The following FGD5 variants were observed in gnomAD, a reference collection of about 807,000 sequenced individuals.
FGD5 encodes FYVE, RhoGEF and PH domain containing 5.
Under a neutral mutation model 133.4 loss-of-function variants are expected in FGD5, and 28 were observed. The observed-to-expected ratio is 0.21, with a 90% confidence interval of 0.16 to 0.29. The LOEUF (loss-of-function observed/expected upper bound fraction) is 0.29, where lower values mean the gene tolerates loss of function less well. Among genes scored for constraint, FGD5 ranks in the 10% least tolerant of loss-of-function variants. The pLI is 1.00. For synonymous variants in FGD5, 810 were observed against 776.5 expected, an observed-to-expected ratio of 1.04 and a Z score of -0.72; for missense variants, 1,858 against 1,895.2, an observed-to-expected ratio of 0.98 and a Z score of 0.36.
upstream of FGD5, among the ~76,000 whole-genome samples, chr3:14,816,463 G>T (rs56403001): frequency 0.32 from 48,439 of 152,022 alleles, 8,360 homozygotes; most frequent in African/African-American, 0.44. Flanking sequence ...GCCTGCTATT[G>T]AGCCCTTTTG....
intron 4 of FGD5, among the ~76,000 whole-genome samples, chr3:14,885,367 C>T (rs1016102037): frequency 2.6e-5 from 4 of 151,992 alleles, no homozygotes; most frequent in South Asian, 2.1e-4. Context: ...CTCTAGATGT[C>T]GCGGTAGATA....
chr3:14,844,776 T>C (rs1490065363), intron 1 of FGD5, among the ~76,000 whole-genome samples: 2 of 152,150 alleles, frequency 1.3e-5, no homozygotes, highest in African/African-American at 2.4e-5. Context: ...AATTGGACAA[T>C]GTCTAGAAGG....
At chr3:14,850,787 G>T (rs183354068) in intron 1 of FGD5, among the ~76,000 whole-genome samples, 46 of 152,134 alleles carry the variant, frequency 3.0e-4, no homozygotes, top group African/African-American at 8.7e-4. Context: ...ACCTTGGTTG[G>T]GGGGGCAGTG....
intron 1 of FGD5, among the ~76,000 whole-genome samples, chr3:14,830,789 T>G (rs2036692230): frequency 1.3e-5 from 2 of 152,140 alleles, no homozygotes; most frequent in Admixed American, 1.3e-4. Context: ...AGGAGAGTTG[T>G]GTTGGTAGTC....
At chr3:14,920,125 G>C (rs574511697) in intron 13 of FGD5, among the ~76,000 whole-genome samples, 1 of 152,086 alleles carries the variant, frequency 6.6e-6, no homozygotes, top group Non-Finnish European at 1.5e-5. Context: ...GCTCTCGGGG[G>C]CTTGGAAACC....
chr3:14,931,614 T>C (rs906301958), intron 18 of FGD5: 1 of 152,266 alleles, frequency 6.6e-6, no homozygotes, highest in Non-Finnish European at 1.5e-5. Flanking sequence ...TGTATGTTTT[T>C]ACATAACTGT....
chr3:14,907,866 T>C (rs1429288676), intron 10 of FGD5, among the ~76,000 whole-genome samples, 155 bp downstream of exon 10: 1 of 152,188 alleles, frequency 6.6e-6, no homozygotes, highest in Non-Finnish European at 1.5e-5. Context: ...CACTGGATTC[T>C]CCTGGCCGCA....
intron 1 of FGD5, among the ~76,000 whole-genome samples, chr3:14,824,041 T>C (rs2036557053): frequency 6.6e-6 from 1 of 152,234 alleles, no homozygotes; most frequent in Non-Finnish European, 1.5e-5. Context: ...TGTCTTGAAC[T>C]GTCAGACTGA....
chr3:14,816,596 C>G (rs2036371976), upstream of FGD5, among the ~76,000 whole-genome samples: 1 of 152,120 alleles, frequency 6.6e-6, no homozygotes. Flanking sequence ...AGGATTTGAC[C>G]CAGATCAGCC....
At chr3:14,881,595 G>A (rs531495475) in intron 4 of FGD5, among the ~76,000 whole-genome samples, 30 of 152,334 alleles carry the variant, frequency 2.0e-4, no homozygotes, top group African/African-American at 6.7e-4. Context: ...AACCATGGCA[G>A]TCTCAGGCTT....
At chr3:14,851,055 A>G (rs1031090353) in intron 1 of FGD5, among the ~76,000 whole-genome samples, 1 of 152,108 alleles carries the variant, frequency 6.6e-6, no homozygotes, top group South Asian at 2.1e-4. Flanking sequence ...TATTTTACAG[A>G]TGGGGAAACT....
At chr3:14,882,223 A>G (rs2037838855) in intron 4 of FGD5, 1 of 866,732 alleles carries the variant, frequency 1.2e-6, no homozygotes, top group South Asian at 5.3e-5. Flanking sequence ...TCTCTCCCTT[A>G]TTTCTGGGCT....
intron 1 of FGD5, among the ~76,000 whole-genome samples, chr3:14,849,333 G>C (rs1224541920): frequency 2.0e-5 from 3 of 152,184 alleles, no homozygotes; most frequent in African/African-American, 7.2e-5. Context: ...TTGTGGGCTG[G>C]GAGTCCTGCT....
intron 4 of FGD5, among the ~76,000 whole-genome samples, chr3:14,895,852 T>C (rs940906477): frequency 1.3e-5 from 2 of 152,070 alleles, no homozygotes; most frequent in African/African-American, 4.8e-5. Flanking sequence ...AGTGCTGATA[T>C]AAAAGCCGAC....
chr3:14,901,183 C>G, intron 9 of FGD5, 122 bp downstream of exon 9: 1 of 1,061,610 alleles, frequency 9.4e-7, no homozygotes, highest in Non-Finnish European at 1.5e-6. Context: ...TCTTGTGGGA[C>G]TCTGCAGAGA....
At chr3:14,906,443 A>G (rs2038343072) in intron 9 of FGD5, among the ~76,000 whole-genome samples, 1 of 152,240 alleles carries the variant, frequency 6.6e-6, no homozygotes, top group African/African-American at 2.4e-5. Flanking sequence ...CTAGAGGAGC[A>G]GACCTTTGCC....
intron 9 of FGD5, among the ~76,000 whole-genome samples, chr3:14,906,702 C>T (rs1371695734): frequency 1.3e-5 from 2 of 152,220 alleles, no homozygotes; most frequent in Non-Finnish European, 2.9e-5. Flanking sequence ...TTAACATTTT[C>T]GCTGCTTTCT....
At chr3:14,929,685 C>T (rs1458299461) in intron 18 of FGD5, among the ~76,000 whole-genome samples, 1 of 152,132 alleles carries the variant, frequency 6.6e-6, no homozygotes, top group Non-Finnish European at 1.5e-5. Flanking sequence ...ATCTCTTGTC[C>T]ACTTTTTTTA....
chr3:14,821,487 G>A lies in FGD5; in HGVS notation c.2416G>A (p.Asp806Asn). 1 of 1,614,040 alleles carries A rather than the reference G, an allele frequency of 6.2e-7. No homozygotes were observed. The highest frequency in any genetic ancestry group is 8.5e-7 in the Non-Finnish European group (1 of 1,179,910). ...TGGCGCGTTCACGAAGCTGTTTGAA[G>A]ATCAGAGCAGAGCCCTGTCCACAGC... The part of the protein sequence containing the change: ...RAGAFTKLFE[D>N]QSRALSTANE... The change falls in exon 1 of 20, where the codon GAT becomes AAT. Residue 806 changes from aspartate (D) to asparagine (N), a missense_variant. By Grantham distance (23) the Asp-to-Asn change is conservative. Coordinates refer to ENST00000285046, the MANE Select transcript of FGD5 (RefSeq NM_152536.4).
Sources: allele counts gnomAD v4.1 joint callset (sites outside exome capture counted in the v4.1 genomes callset), GRCh38; gene constraint gnomAD v4.1.1; transcripts MANE v1.5; gene names NCBI Gene and HGNC (gene_info 2026-07-23, HGNC 2026-07-21).